Variants in GIT2 observed in about 807,000 individuals in gnomAD.
GIT2 encodes the protein ARF GTPase-activating protein GIT2.
In GIT2, 32 loss-of-function variants were observed where a neutral mutation model predicts 100.3. The observed-to-expected ratio is 0.32, with a 90% CI of 0.24 to 0.43. GIT2 has a LOEUF of 0.43. Ranked by LOEUF, GIT2 falls within the 20% of genes least tolerant of loss-of-function variation. GIT2 has a pLI of 1.00. For synonymous variants in GIT2, 353 were observed against 364.1 expected (o/e 0.97, Z 0.35); for missense variants, 737 against 975.1 (o/e 0.76, Z 3.25).
At position 109,932,892 on chromosome 12, in the gene GIT2, T is replaced by C; in HGVS notation, c.*86A>G. The C allele has an allele frequency of 2.6e-6, 2 of 768,806 alleles. No individual in the cohort carries two copies. The highest frequency in any genetic ancestry group is 4.5e-6 in the Non-Finnish European group (2 of 441,570). The allele number at this position is 768,806 out of a possible 1,614,324, so 47.6% of individuals were successfully genotyped here. On this transcript the variant is annotated 3_prime_UTR_variant, in exon 20 of 20. Coordinates refer to ENST00000355312, the MANE Select transcript of GIT2 (RefSeq NM_057169.5). ...TAAACCGTCATTAAATGTTTCTTTTTGTAGAAATCTGAAGAGTTCTGCGTC... is the reference window on the plus strand; with the variant it reads ...TAAACCGTCATTAAATGTTTCTTTTCGTAGAAATCTGAAGAGTTCTGCGTC...
intron 18 of GIT2, among the ~76,000 whole-genome samples, chr12:109,936,502 GA>G (rs1179420658): frequency 6.6e-6 from 1 of 152,174 alleles, no homozygotes. Context: ...AATGAAAAGC[GA>G]AGCACATTGA....
intron 2 of GIT2, 99 bp from the exon 3 acceptor site, chr12:109,989,901 A>G (rs1032244770): frequency 5.0e-5 from 36 of 716,746 alleles, no homozygotes; most frequent in Non-Finnish European, 8.2e-5. Context: ...TGTTATAAAC[A>G]CTCATTTGTT....
At chr12:109,943,107 G>C (rs1029795893) in intron 16 of GIT2, 2 of 152,144 alleles carry the variant, frequency 1.3e-5, no homozygotes, top group Non-Finnish European at 2.9e-5. Context: ...AACAATCAGG[G>C]TGATCAGTTT....
At chr12:109,940,098 A>G (rs1374938217) in intron 16 of GIT2, 1 of 152,204 alleles carries the variant, frequency 6.6e-6, no homozygotes, top group Non-Finnish European at 1.5e-5. Flanking sequence ...CCTGGGCTCA[A>G]ATCTACCCCT....
intron 16 of GIT2, among the ~76,000 whole-genome samples, chr12:109,944,149 C>T (rs940218987): frequency 1.3e-5 from 2 of 152,018 alleles, no homozygotes; most frequent in Non-Finnish European, 2.9e-5. Context: ...AGCTATTGTA[C>T]TACAGACTGG....
intron 7 of GIT2, among the ~76,000 whole-genome samples, chr12:109,980,321 G>A (rs972790341): frequency 1.6e-4 from 24 of 152,136 alleles, no homozygotes; most frequent in African/African-American, 4.3e-4. Flanking sequence ...TTTCTGCCTC[G>A]GCCTCCCAAA....
intron 4 of GIT2, among the ~76,000 whole-genome samples, chr12:109,984,105 C>T (rs1311713369): frequency 6.6e-6 from 1 of 152,118 alleles, no homozygotes; most frequent in African/African-American, 2.4e-5. Flanking sequence ...CCTCACTTTC[C>T]TCATCTCAAA....
intron 7 of GIT2, among the ~76,000 whole-genome samples, chr12:109,977,289 T>C (rs1218907661): frequency 1.3e-5 from 2 of 151,966 alleles, no homozygotes; most frequent in African/African-American, 2.4e-5. Flanking sequence ...GGTGGGTGGA[T>C]TACTTGAGCT....
rs1384845025 is a variant in GIT2, at chr12:109,989,767, A to C, written c.222T>G (p.Ser74=). Residue 74 remains serine, a synonymous_variant, in exon 3 of 20, where the codon TCT becomes TCG. Transcript: ENST00000355312. ...GGTCCAGCAAAGAATGCTCCCATAT[A>C]GAGTTAGCACCGTTATTATACAAGG... is the stretch of plus-strand genomic sequence containing the variant. The part of the protein sequence containing the change: ...VETLYNNGAN[S]IWEHSLLDPA... 6.2e-7 allele frequency: 1 copy of C among 1,604,890 alleles called. No individual in the cohort carries two copies. Among genetic ancestry groups the C allele is most frequent in the Non-Finnish European group, 8.5e-7 (1 of 1,171,602 alleles).
intron 16 of GIT2, among the ~76,000 whole-genome samples, chr12:109,944,119 C>T (rs1875607015): frequency 6.6e-6 from 1 of 152,180 alleles, no homozygotes; most frequent in South Asian, 2.1e-4. Context: ...CTGCAGTACG[C>T]TATGACCATG....
chr12:109,962,439 G>C lies in GIT2; in HGVS notation c.817-754C>G, dbSNP rs1881327816. Among the ~76,000 whole-genome samples the C allele has an allele frequency of 6.6e-6, 1 of 152,244 alleles. No individual in the cohort carries two copies. The highest frequency in any genetic ancestry group is 1.5e-5 in the Non-Finnish European group (1 of 68,042). ...CAAAAACGTGACTCAGACCTCAGCT[G>C]AGTTTCTTTGCTCTCTTTCTCAGTA... On this transcript the variant is annotated intron_variant, in intron 9 of 19. Transcript: ENST00000355312. The surrounding 1 kb of genome is among the most constrained non-coding windows in gnomAD (Gnocchi z 4.3).
At chr12:109,974,182 A>C (rs1403155454) in intron 7 of GIT2, among the ~76,000 whole-genome samples, 2 of 152,094 alleles carry the variant, frequency 1.3e-5, no homozygotes, top group Non-Finnish European at 2.9e-5. Context: ...ATTCAGTGGA[A>C]AATATTTTTT....
chr12:109,952,644 G>C (rs1204513733), intron 13 of GIT2: 2 of 519,314 alleles, frequency 3.9e-6, no homozygotes, highest in Non-Finnish European at 7.7e-6. Flanking sequence ...CCCTTGAGGC[G>C]CATCTTAAGA....
At chr12:109,999,813 C>G (rs947953319), upstream of GIT2, 2 of 1,500,362 alleles carry the variant, frequency 1.3e-6, no homozygotes, top group Non-Finnish European at 8.9e-7. The surrounding 1 kb of genome is among the most constrained non-coding windows in gnomAD (Gnocchi z 4.3). Context: ...GTCCGTCTCC[C>G]GGTGGGGACT....
At chr12:109,944,294 G>C (rs1181692730) in intron 16 of GIT2, among the ~76,000 whole-genome samples, 1 of 152,196 alleles carries the variant, frequency 6.6e-6, no homozygotes, top group Non-Finnish European at 1.5e-5. Flanking sequence ...AATGGCAAAG[G>C]CCCAGTGCAA....
At chr12:109,960,391 AG>A in intron 11 of GIT2, among the ~76,000 whole-genome samples, 1 of 152,294 alleles carries the variant, frequency 6.6e-6, no homozygotes, top group East Asian at 1.9e-4. Flanking sequence ...TGGGAGGCTG[AG>A]GCGGGAGGAT....
At chr12:109,940,960 C>T (rs1043004181) in intron 16 of GIT2, among the ~76,000 whole-genome samples, 1 of 151,524 alleles carries the variant, frequency 6.6e-6, no homozygotes, top group Non-Finnish European at 1.5e-5. Context: ...TAAAGCCTGT[C>T]ACTCCTTACT....
rs1211193373 is a variant in GIT2 at position 109,961,286 on chromosome 12, G to A, written c.979C>T (p.Arg327Ter). 1 of 1,591,520 alleles carries A rather than the reference G, an allele frequency of 6.3e-7. No homozygotes were observed. The highest frequency in any genetic ancestry group is 1.3e-5 in the African/African-American group (1 of 74,534). The change falls in exon 11 of 20, where the codon CGA (arginine) becomes TGA (stop). Residue 327 changes from arginine (R) to a stop codon, truncating the protein, a stop_gained. Transcript: ENST00000355312. LOFTEE classifies it high-confidence loss of function. ...CAAACTGAGCCACTTGCCTGATTTCGTGTTGATGAGTACTCAGGATTGACC... is the reference window on the plus strand; with the variant it reads ...CAAACTGAGCCACTTGCCTGATTTCATGTTGATGAGTACTCAGGATTGACC... ...LPVNPEYSSTRNQGRQKLARF... is the reference protein window; with the variant it reads ...LPVNPEYSST
chr12:109,940,777 G>A (rs1350445866), intron 16 of GIT2, among the ~76,000 whole-genome samples: 1 of 152,070 alleles, frequency 6.6e-6, no homozygotes, highest in African/African-American at 2.4e-5. Context: ...TACTCGGGAG[G>A]CTGAGGTGAG....
Sources: allele counts gnomAD v4.1 joint callset (sites outside exome capture counted in the v4.1 genomes callset), GRCh38; gene constraint gnomAD v4.1.1; non-coding constraint Gnocchi (gnomAD v3.1); transcripts MANE v1.5; gene names NCBI Gene and HGNC (gene_info 2026-07-23, HGNC 2026-07-21).